PDE4D: variants seen among roughly 807,000 people sequenced by gnomAD.
The protein encoded by PDE4D is phosphodiesterase 4D, also known as 3',5'-cyclic-AMP phosphodiesterase 4D.
A neutral mutation model predicts 87.4 loss-of-function variants in PDE4D; 24 were observed. That is an observed-to-expected ratio of 0.27 (90% CI 0.20 to 0.39). PDE4D has a LOEUF of 0.39. PDE4D is among the 10% of genes least tolerant of loss of function. PDE4D has a pLI of 1.00. For synonymous variants in PDE4D, 384 were observed against 383.2 expected (o/e 1.00, Z -0.02); for missense variants, 714 against 1,041.0 (o/e 0.69, Z 4.32).
chr5:60,167,496 C>T (rs888208176), intron 2 of PDE4D, among the ~76,000 whole-genome samples: 27 of 152,020 alleles, frequency 1.8e-4, no homozygotes, highest in African/African-American at 6.5e-4. Context: ...TCTCGATCTC[C>T]TGACCTCGTG....
At chr5:60,135,408 A>G (rs937463891) in intron 2 of PDE4D, among the ~76,000 whole-genome samples, 5 of 152,298 alleles carry the variant, frequency 3.3e-5, no homozygotes, top group African/African-American at 4.8e-5. Flanking sequence ...TTCTGCCTCT[A>G]CTTAACATCT....
intron 2 of PDE4D, among the ~76,000 whole-genome samples, chr5:59,994,314 CATAT>C (rs1763313598): frequency 6.6e-6 from 1 of 150,902 alleles, no homozygotes; most frequent in Admixed American, 6.6e-5. Context: ...TGTATATATA[CATAT>C]ACACACATAC....
chr5:59,469,290 C>T (rs1015981672), intron 1 of PDE4D, among the ~76,000 whole-genome samples: 2 of 151,864 alleles, frequency 1.3e-5, no homozygotes, highest in East Asian at 1.9e-4. Context: ...ATCACGCCAC[C>T]GCACTCCAGC....
At chr5:59,445,387 G>A (rs756629519) in intron 1 of PDE4D, among the ~76,000 whole-genome samples, 2 of 152,134 alleles carry the variant, frequency 1.3e-5, no homozygotes, top group Non-Finnish European at 2.9e-5. Context: ...CTGGCTTATG[G>A]TGACATATCT....
At chr5:60,042,062 A>G (rs1768580012) in intron 2 of PDE4D, among the ~76,000 whole-genome samples, 1 of 152,056 alleles carries the variant, frequency 6.6e-6, no homozygotes, top group African/African-American at 2.4e-5. Flanking sequence ...ACTAGTTTAA[A>G]TTTCTTGTTG....
Position 60,009,702 on chromosome 5 carries a change from T to G in PDE4D, c.43-20985A>C, listed in dbSNP as rs955359504. On this transcript the variant is annotated intron_variant, in intron 2 of 16. Coordinates refer to the PDE4D transcript ENST00000502484. ...TGGTAAGAAGCTCTGTTCACAGCATTTAAAATGCAGCTTATAAAGCATAAT... is the reference window on the plus strand; with the variant it reads ...TGGTAAGAAGCTCTGTTCACAGCATGTAAAATGCAGCTTATAAAGCATAAT... Among the ~76,000 whole-genome samples the G allele has an allele frequency of 2.0e-5, 3 of 152,070 alleles. No homozygotes were observed. In the South Asian group the frequency reaches 6.2e-4, roughly 31 times the overall value.
intron 3 of PDE4D, among the ~76,000 whole-genome samples, chr5:59,932,516 T>C (rs1242724627): frequency 6.6e-6 from 1 of 152,244 alleles, no homozygotes. Context: ...GTGAGGAAAC[T>C]GAGGCAGAGT....
chr5:59,497,638 A>C (rs1807468646), intron 1 of PDE4D, among the ~76,000 whole-genome samples: 1 of 152,092 alleles, frequency 6.6e-6, no homozygotes, highest in Non-Finnish European at 1.5e-5. Context: ...GGCAAAAATA[A>C]AGAAAAAAAT....
At chr5:59,123,510 T>G (rs552641133) in intron 5 of PDE4D, among the ~76,000 whole-genome samples, 5 of 152,352 alleles carry the variant, frequency 3.3e-5, no homozygotes, top group African/African-American at 9.6e-5. Context: ...GTTCCTACAT[T>G]GTTATCTTGC....
intron 1 of PDE4D, among the ~76,000 whole-genome samples, chr5:60,284,296 G>C (rs373491311): frequency 1.2e-4 from 19 of 152,130 alleles, no homozygotes; most frequent in South Asian, 2.1e-4. Flanking sequence ...AAGGTAGCCT[G>C]TATTTCTGCT....
chr5:59,735,679 T>A (rs1179302604), intron 1 of PDE4D, among the ~76,000 whole-genome samples: 1 of 152,136 alleles, frequency 6.6e-6, no homozygotes, highest in African/African-American at 2.4e-5. Context: ...AAAACTTTTT[T>A]TTTTCGAGAC....
At chr5:59,894,246 T>C (rs1751396153), upstream of PDE4D, among the ~76,000 whole-genome samples, 1 of 152,172 alleles carries the variant, frequency 6.6e-6, no homozygotes. Context: ...CACCTCCGCT[T>C]GCCTCAGTGC....
Position 59,246,493 on chromosome 5 carries a change from C to G in PDE4D, c.456-30525G>C, listed in dbSNP as rs531098644. 4.6e-5 allele frequency among the ~76,000 whole-genome samples: 7 copies of G among 152,218 alleles called. No individual in the cohort carries two copies. The South Asian group carries it at 1.5e-3, about 32-fold the overall frequency. ...GACAATTATGTATTAGGCCTTCCGT[C>G]TCTTATTTAATAATAGCAGTGTCAT... On this transcript the variant is annotated intron_variant, in intron 1 of 14. Coordinates refer to ENST00000340635, the MANE Select transcript of PDE4D (RefSeq NM_001104631.2).
Position 59,323,138 on chromosome 5 carries a change from C to A in PDE4D, c.456-107170G>T, listed in dbSNP as rs183897161. On this transcript the variant is annotated intron_variant, in intron 1 of 14. Coordinates refer to ENST00000340635, the MANE Select transcript of PDE4D (RefSeq NM_001104631.2). ...AGACTGTTATCATTCCTTAAATATGCTTCATGTAGTGTACAGTGCCTCCAC... is the reference window on the plus strand; with the variant it reads ...AGACTGTTATCATTCCTTAAATATGATTCATGTAGTGTACAGTGCCTCCAC... 5.1e-3 allele frequency among the ~76,000 whole-genome samples: 773 copies of A among 152,178 alleles called. 5 individuals carry two copies. The highest frequency in any genetic ancestry group is 7.9e-3 in the Non-Finnish European group (539 of 67,996).
intron 1 of PDE4D, among the ~76,000 whole-genome samples, chr5:59,240,842 T>A (rs1048964278): frequency 6.6e-6 from 1 of 152,036 alleles, no homozygotes; most frequent in Non-Finnish European, 1.5e-5. Context: ...AAGTTCAGTA[T>A]AGCCTAGTGA....
rs2962205 is a variant in PDE4D, at chr5:59,985,382, C to A, written c.272+3106G>T. Among the ~76,000 whole-genome samples the A allele has an allele frequency of 3.9e-3, 598 of 151,950 alleles. 19 individuals are homozygous for A. The East Asian group carries it at 0.072, about 18-fold the overall frequency. On this transcript the variant is annotated intron_variant, in intron 3 of 16. Transcript: ENST00000502484. The stretch of plus-strand genomic sequence containing the variant: ...GGTCTTGATCTCCTCACCTTGTGAT[C>A]TGCCCGCCTCAGCCTCCCAAAGTGC...
In PDE4D at chr5:59,559,735, G is replaced by A. The variant is rs145806386; in HGVS notation, c.455+333433C>T. ...AGATTAAAAAAAAATGTTTTCCTAG[G>A]ATTATACTGGAAATTTTGAGAAGCT... On this transcript the variant is annotated intron_variant, in intron 1 of 14. Transcript: ENST00000340635. Among the ~76,000 whole-genome samples, 6 of 152,188 alleles carry A rather than the reference G, an allele frequency of 3.9e-5. No homozygotes were observed. In the East Asian group the frequency reaches 1.2e-3, roughly 29 times the overall value.
chr5:59,249,135 T>C (rs186208132), intron 1 of PDE4D, among the ~76,000 whole-genome samples: 3 of 152,158 alleles, frequency 2.0e-5, no homozygotes, highest in Admixed American at 2.0e-4. Flanking sequence ...TAAAAAACTA[T>C]GCAACCCCAA....
At chr5:59,080,021 A>T (rs1766454750) in intron 5 of PDE4D, among the ~76,000 whole-genome samples, 1 of 152,074 alleles carries the variant, frequency 6.6e-6, no homozygotes. Context: ...AGCTGAAGAC[A>T]TGACACATAG....
Sources: gnomAD v4.1 joint callset for allele counts (sites outside exome capture counted in the v4.1 genomes callset) on GRCh38, gnomAD v4.1.1 for gene constraint, MANE v1.5 for transcripts, NCBI Gene and HGNC (gene_info 2026-07-23, HGNC 2026-07-21) for gene names.